Variants in SDK1 observed in about 807,000 individuals in gnomAD.
SDK1 encodes sidekick cell adhesion molecule 1.
A neutral mutation model predicts 245.5 loss-of-function variants in SDK1; 157 were observed. That is an observed-to-expected ratio of 0.64 (90% CI 0.56 to 0.73). The LOEUF (loss-of-function observed/expected upper bound fraction) is 0.73, where lower values mean the gene tolerates loss of function less well. SDK1 is among the 30% of genes least tolerant of loss of function. The pLI, the probability that SDK1 is intolerant of heterozygous loss-of-function variation, is 0.00. For synonymous variants in SDK1, 1,647 were observed against 1,278.5 expected (o/e 1.29, Z -6.15); for missense variants, 3,583 against 3,002.3 (o/e 1.19, Z -4.52).
At chr7:3,730,039 C>T (rs1038792183) in intron 4 of SDK1, among the ~76,000 whole-genome samples, 3 of 151,998 alleles carry the variant, frequency 2.0e-5, no homozygotes, top group Non-Finnish European at 4.4e-5. Context: ...TTTCATTATT[C>T]ATTCTACAGA....
chr7:3,311,109 T>A (rs4719883), intron 1 of SDK1, among the ~76,000 whole-genome samples: 65,154 of 151,880 alleles, frequency 0.43, 14,174 homozygotes, highest in East Asian at 0.56. Flanking sequence ...GTATGGACAG[T>A]TGACATAACT....
intron 5 of SDK1, among the ~76,000 whole-genome samples, chr7:3,925,344 C>G (rs1214778391): frequency 2.0e-5 from 3 of 152,216 alleles, no homozygotes; most frequent in Admixed American, 6.5e-5. Flanking sequence ...GCCCTGCCCT[C>G]TGAGTTTGCT....
intron 1 of SDK1, among the ~76,000 whole-genome samples, chr7:3,303,568 G>A (rs891516512): frequency 4.9e-5 from 3 of 61,392 alleles, no homozygotes; most frequent in African/African-American, 3.0e-4. Flanking sequence ...GGCAACAACC[G>A]AACTTTGTTA....
chr7:4,127,040 A>G (rs909749959), intron 25 of SDK1, among the ~76,000 whole-genome samples: 1 of 152,196 alleles, frequency 6.6e-6, no homozygotes, highest in African/African-American at 2.4e-5. Context: ...TAGAGCTGTC[A>G]GTGAACAGGC....
At chr7:3,941,144 C>G (rs1780353365) in intron 5 of SDK1, among the ~76,000 whole-genome samples, 1 of 152,094 alleles carries the variant, frequency 6.6e-6, no homozygotes, top group South Asian at 2.1e-4. Context: ...TGGAGAGAAG[C>G]AAGGGGTCTT....
At chr7:3,393,262 A>G (rs1229423972) in intron 1 of SDK1, among the ~76,000 whole-genome samples, 1 of 151,964 alleles carries the variant, frequency 6.6e-6, no homozygotes, top group African/African-American at 2.4e-5. Context: ...ATAAGCCACC[A>G]CACCCGGCCC....
chr7:4,088,820 G>A (rs556100974), intron 22 of SDK1, among the ~76,000 whole-genome samples: 3 of 152,324 alleles, frequency 2.0e-5, no homozygotes, highest in African/African-American at 7.2e-5. Context: ...GATCGATAGT[G>A]TATTTTCTCA....
At chr7:3,577,661 A>G (rs116341028) in intron 1 of SDK1, among the ~76,000 whole-genome samples, 3,422 of 152,122 alleles carry the variant, frequency 0.022, 138 homozygotes, top group African/African-American at 0.077. Context: ...GGAGCTGTCA[A>G]TGTCTGTTAG....
chr7:4,231,031 C>A (rs1785727363), intron 40 of SDK1, among the ~76,000 whole-genome samples: 1 of 152,226 alleles, frequency 6.6e-6, no homozygotes, highest in African/African-American at 2.4e-5. Flanking sequence ...AACAGTTCTC[C>A]AGGTCCAGAG....
intron 1 of SDK1, among the ~76,000 whole-genome samples, chr7:3,444,982 T>C (rs925064375): frequency 1.3e-5 from 2 of 152,308 alleles, no homozygotes; most frequent in Admixed American, 6.5e-5. Flanking sequence ...GTTTAAAATG[T>C]TTAAAACATT....
Position 3,813,453 on chromosome 7 carries a change from A to G in SDK1, c.714-7997A>G, listed in dbSNP as rs1779434763. ...AAAGGACATGAACTCATCATTTTTT[A>G]TGGCTGCATAGTATTCCATGGTGTA... On this transcript the variant is annotated intron_variant, in intron 4 of 44. Transcript: ENST00000404826. Among the ~76,000 whole-genome samples the G allele has an allele frequency of 4.4e-5, 6 of 136,826 alleles. No homozygotes were observed. The Admixed American group carries it at 4.5e-4, about 10-fold the overall frequency. The allele number at this position is 136,826 out of a possible 152,430, so 89.8% of individuals were successfully genotyped here.
intron 1 of SDK1, among the ~76,000 whole-genome samples, chr7:3,445,877 T>C (rs1053570059): frequency 1.3e-5 from 2 of 152,164 alleles, no homozygotes; most frequent in Non-Finnish European, 2.9e-5. Context: ...CCTGATGTTC[T>C]AATATTCTCT....
At chr7:3,709,333 C>T (rs2115016433) in intron 4 of SDK1, among the ~76,000 whole-genome samples, 1 of 152,312 alleles carries the variant, frequency 6.6e-6, no homozygotes, top group South Asian at 2.1e-4. Context: ...GAATGGTTTC[C>T]CTCCATCCAT....
chr7:4,211,891 G>T (rs1178614892), intron 38 of SDK1, among the ~76,000 whole-genome samples: 1 of 152,202 alleles, frequency 6.6e-6, no homozygotes, highest in Admixed American at 6.5e-5. Context: ...TTACAGGCGT[G>T]AGCCACCGTG....
At chr7:3,562,167 C>G (rs1562564488) in intron 1 of SDK1, among the ~76,000 whole-genome samples, 1 of 152,140 alleles carries the variant, frequency 6.6e-6, no homozygotes, top group Non-Finnish European at 1.5e-5. Flanking sequence ...TGCATAGCAC[C>G]CTAGTGAAAA....
intron 4 of SDK1, among the ~76,000 whole-genome samples, chr7:3,659,601 C>T (rs192159876): frequency 8.4e-4 from 128 of 152,220 alleles, no homozygotes; most frequent in African/African-American, 3.0e-3. Context: ...CTAGATTGTG[C>T]TGGGTTTTGT....
chr7:3,440,637 G>A (rs965811551), intron 1 of SDK1, among the ~76,000 whole-genome samples: 18 of 152,266 alleles, frequency 1.2e-4, no homozygotes, highest in Admixed American at 5.2e-4. Context: ...CCAGAGAGAA[G>A]ATAGAAAGTG....
intron 4 of SDK1, among the ~76,000 whole-genome samples, chr7:3,697,151 A>G (rs1397205619): frequency 6.6e-6 from 1 of 152,226 alleles, no homozygotes; most frequent in Non-Finnish European, 1.5e-5. Context: ...TGAAGTGAAC[A>G]TCAATGATCC....
chr7:3,924,271 G>A (rs142835000), intron 5 of SDK1, among the ~76,000 whole-genome samples: 1 of 152,226 alleles, frequency 6.6e-6, no homozygotes, highest in Non-Finnish European at 1.5e-5. Context: ...GAGAGGATGA[G>A]TTAGGATGGC....
Sources: allele counts gnomAD v4.1 joint callset (sites outside exome capture counted in the v4.1 genomes callset), GRCh38; gene constraint gnomAD v4.1.1; transcripts MANE v1.5; gene names NCBI Gene and HGNC (gene_info 2026-07-23, HGNC 2026-07-21).